Variants in BIRC6 observed in about 807,000 individuals in gnomAD.
BIRC6 encodes the protein baculoviral IAP repeat containing 6.
BIRC6 carries 98 observed loss-of-function variants against 503.3 expected under a neutral mutation model. The observed-to-expected ratio is 0.19, with a 90% CI of 0.17 to 0.23. The LOEUF is 0.23. BIRC6 is among the 10% of genes least tolerant of loss of function. The pLI, the probability that BIRC6 is intolerant of heterozygous loss-of-function variation, is 1.00. For synonymous variants in BIRC6, 2,240 were observed against 2,078.7 expected (o/e 1.08, Z -2.11); for missense variants, 5,360 against 5,806.0 (o/e 0.92, Z 2.50).
chr2:32,563,735 A>G (rs2059348602), intron 65 of BIRC6: 1 of 152,186 alleles, frequency 6.6e-6, no homozygotes, highest in South Asian at 2.1e-4. Context: ...AATGTGTACA[A>G]CTGTTACCAA....
chr2:32,467,819 AT>A (rs2048717688), intron 27 of BIRC6, 80 bp downstream of exon 27: 1 of 1,440,852 alleles, frequency 6.9e-7, no homozygotes, highest in Non-Finnish European at 9.3e-7. Context: ...TAATTAAAAA[AT>A]ATAACTATCT....
At chr2:32,459,837 C>A (rs1488366065) in intron 23 of BIRC6, among the ~76,000 whole-genome samples, 1 of 151,196 alleles carries the variant, frequency 6.6e-6, no homozygotes, top group East Asian at 1.9e-4. Flanking sequence ...TATAAGCGAT[C>A]TTCCTCTTAA....
At chr2:32,427,254 G>A (rs1448254737) in intron 10 of BIRC6, among the ~76,000 whole-genome samples, 1 of 151,504 alleles carries the variant, frequency 6.6e-6, no homozygotes, top group African/African-American at 2.4e-5. Flanking sequence ...CTGTCCTGTA[G>A]GTCTCCAAGC....
chr2:32,486,257 C>T (rs528075473), intron 40 of BIRC6, among the ~76,000 whole-genome samples: 5 of 152,226 alleles, frequency 3.3e-5, no homozygotes, highest in African/African-American at 9.6e-5. Flanking sequence ...CCAACTTTTT[C>T]GTAAAGGACT....
At chr2:32,446,775 GATCA>G (rs2046016149) in intron 21 of BIRC6, among the ~76,000 whole-genome samples, 1 of 32,902 alleles carries the variant, frequency 3.0e-5, no homozygotes, top group Non-Finnish European at 5.6e-5. Flanking sequence ...TTTTTTTATT[GATCA>G]TTCTTGGGTG....
intron 59 of BIRC6, 194 bp from the exon 60 acceptor site, chr2:32,529,454 CATT>C: frequency 2.1e-6 from 1 of 471,048 alleles, no homozygotes; most frequent in Non-Finnish European, 3.7e-6. Flanking sequence ...CTTTCACAGA[CATT>C]ATTGTTCATT....
At chr2:32,423,673 C>T (rs966636930) in intron 10 of BIRC6, among the ~76,000 whole-genome samples, 1 of 152,118 alleles carries the variant, frequency 6.6e-6, no homozygotes, top group Non-Finnish European at 1.5e-5. Context: ...AGGGCCCATC[C>T]ACCCCCCCAA....
chr2:32,421,894 C>A (rs770140246), intron 10 of BIRC6, among the ~76,000 whole-genome samples: 4 of 152,120 alleles, frequency 2.6e-5, no homozygotes, highest in Admixed American at 2.0e-4. Flanking sequence ...TTATATTGAG[C>A]CTTCTTCTAT....
intron 32 of BIRC6, 130 bp downstream of exon 32, chr2:32,471,254 A>G: frequency 8.4e-7 from 1 of 1,187,852 alleles, no homozygotes; most frequent in African/African-American, 1.5e-5. Flanking sequence ...ATGTAATTTA[A>G]GGAAAATACA....
At position 32,357,158 on chromosome 2, in the gene BIRC6, C is replaced by G; in HGVS notation, c.-4C>G. On this transcript the variant is annotated 5_prime_UTR_variant, in exon 1 of 74. Transcript: ENST00000421745. This position sits in a 1 kb window ranked among gnomAD's most constrained non-coding sequence, Gnocchi z 4.9. ...AACGCGCTCGGCTTGCCCCCTGGCCCCGGATGGTGACTGGTGGTGGTGCTG... is the reference window on the plus strand; with the variant it reads ...AACGCGCTCGGCTTGCCCCCTGGCCGCGGATGGTGACTGGTGGTGGTGCTG... 2.7e-6 allele frequency: 4 copies of G among 1,506,408 alleles called. No individual in the cohort carries two copies. The highest frequency in any genetic ancestry group is 3.5e-4 in the Middle Eastern group (2 of 5,680). 93.3% of individuals were successfully genotyped at this position (1,506,408 alleles called of 1,614,324 possible). A position where few individuals can be genotyped will look rare whatever the true frequency, so the allele number is the denominator to read the frequency against.
chr2:32,495,790 G>GT (rs11464835), intron 45 of BIRC6, among the ~76,000 whole-genome samples: 42,504 of 84,748 alleles, frequency 0.5, 12,018 homozygotes, highest in Non-Finnish European at 0.55. Context: ...TCAGGATGAA[G>GT]TTTTTTTTTT....
chr2:32,574,731 A>G (rs2060149581), intron 65 of BIRC6: 1 of 252,122 alleles, frequency 4.0e-6, no homozygotes, highest in African/African-American at 2.3e-5. Flanking sequence ...TGCAGTTCAA[A>G]CCTGTGTTGT....
chr2:32,436,890 T>TG (rs1196811947), intron 15 of BIRC6, among the ~76,000 whole-genome samples: 1 of 142,110 alleles, frequency 7.0e-6, no homozygotes, highest in African/African-American at 2.6e-5. Flanking sequence ...TTTTTTCTTT[T>TG]TTTTTTTTTT....
intron 67 of BIRC6, among the ~76,000 whole-genome samples, chr2:32,594,677 A>T (rs2061569369): frequency 6.6e-6 from 1 of 151,198 alleles, no homozygotes; most frequent in Admixed American, 6.6e-5. Context: ...AGCCTGGGAG[A>T]CAGAGTAATA....
chr2:32,510,506 T>C lies in BIRC6; in HGVS notation c.10238-20T>C, dbSNP rs1348868528. The C allele has an allele frequency of 2.1e-6, 3 of 1,447,934 alleles. No individual in the cohort carries two copies. The highest frequency in any genetic ancestry group is 2.9e-6 in the Non-Finnish European group (3 of 1,037,288). 89.7% of individuals were successfully genotyped at this position (1,447,934 alleles called of 1,614,324 possible). A position where few individuals can be genotyped will look rare whatever the true frequency, so the allele number is the denominator to read the frequency against. On this transcript the variant is annotated intron_variant, in intron 52 of 73. Coordinates refer to ENST00000421745, the MANE Select transcript of BIRC6 (RefSeq NM_016252.4). The stretch of plus-strand genomic sequence containing the variant: ...ACTTGCTTATTTAGCAAACTTTTTC[T>C]TTGGATTCTTTGTTGCAAGATTTGA...
At chr2:32,371,929 C>T (rs1050087992) in intron 1 of BIRC6, among the ~76,000 whole-genome samples, 3 of 152,050 alleles carry the variant, frequency 2.0e-5, no homozygotes, top group Non-Finnish European at 4.4e-5. Flanking sequence ...CCTCAGCCTC[C>T]TGAGTAGCTG....
At chr2:32,405,241 A>C (rs1211044606) in intron 8 of BIRC6, among the ~76,000 whole-genome samples, 1 of 152,044 alleles carries the variant, frequency 6.6e-6, no homozygotes, top group Non-Finnish European at 1.5e-5. Context: ...TCATTTTTAC[A>C]CTTACTCTGT....
chr2:32,468,543 G>T lies in BIRC6; in HGVS notation c.5887G>T (p.Ala1963Ser). ...AQYFLRKPDK[A>S]VEEDSRVFSA... ...GTACTTTTTACGAAAACCAGATAAGGCAGTTGAGGAAGACAGTAGGGTTTT... is the reference window on the plus strand; with the variant it reads ...GTACTTTTTACGAAAACCAGATAAGTCAGTTGAGGAAGACAGTAGGGTTTT... Residue 1963 changes from alanine to serine, a missense_variant, in exon 29 of 74, where the codon GCA becomes TCA. Physicochemically the swap from Ala to Ser is moderately conservative, Grantham distance 99. Around this residue, in one of 16 missense-constraint regions of BIRC6, gnomAD observed 2,299 missense variants for 2,267.2 expected, o/e 1.01. Coordinates refer to ENST00000421745, the MANE Select transcript of BIRC6 (RefSeq NM_016252.4). 2 of 1,613,910 alleles carry T rather than the reference G, an allele frequency of 1.2e-6. No individual in the cohort carries two copies. Among genetic ancestry groups the T allele is most frequent in the South Asian group, 1.1e-5 (1 of 91,082 alleles).
At position 32,464,674 on chromosome 2, in the gene BIRC6, C is replaced by G. The variant is rs567218300; in HGVS notation, c.5107C>G (p.Leu1703Val). ...VIPPTPKTTP[L>V]FMTPPLTPPN... ...TCCACCCACTCCAAAAACAACACCT[C>G]TTTTTATGACTCCACCACTCACTCC... The change falls in exon 25 of 74, where the codon CTT (leucine) becomes GTT (valine). Residue 1703 changes from leucine (L) to valine (V), a missense_variant. Physicochemically the swap from Leu to Val is conservative, Grantham distance 32 (BLOSUM62 1). Coordinates refer to ENST00000421745, the MANE Select transcript of BIRC6 (RefSeq NM_016252.4). 1 of 1,613,926 alleles carries G rather than the reference C, an allele frequency of 6.2e-7. No homozygotes were observed. The highest frequency in any genetic ancestry group is 2.2e-5 in the East Asian group (1 of 44,876).
Sources: gnomAD v4.1 joint callset for allele counts (sites outside exome capture counted in the v4.1 genomes callset) on GRCh38, gnomAD v4.1.1 for gene constraint, gnomAD v4.1.1 regional missense constraint, Gnocchi (gnomAD v3.1) non-coding constraint, MANE v1.5 for transcripts, NCBI Gene and HGNC (gene_info 2026-07-23, HGNC 2026-07-21) for gene names.